Variants in SP140 observed in about 807,000 individuals in gnomAD.
The protein encoded by SP140 is nuclear body protein SP140.
A neutral mutation model predicts 125.0 loss-of-function variants in SP140; 81 were observed. The observed-to-expected ratio is 0.65, with a 90% CI of 0.54 to 0.78. The LOEUF (loss-of-function observed/expected upper bound fraction) is 0.78. SP140 is among the 30% of genes least tolerant of loss of function. SP140 has a pLI of 0.00. For synonymous variants in SP140, 312 were observed against 354.0 expected (o/e 0.88, Z 1.33); for missense variants, 858 against 1,037.0 (o/e 0.83, Z 2.37).
chr2:230,283,617 G>C (rs948252021), intron 15 of SP140, among the ~76,000 whole-genome samples: 7 of 152,184 alleles, frequency 4.6e-5, no homozygotes, highest in African/African-American at 1.7e-4. Context: ...TCCCTTTCTG[G>C]AGATTGCTCC....
the SP140 span, among the ~76,000 whole-genome samples, chr2:230,195,503 C>T: frequency 0.77 from 116,671 of 151,984 alleles, 44,893 homozygotes; most frequent in Admixed American, 0.83. Context: ...CTAACTTTTG[C>T]ATTTTTAGTA....
chr2:230,203,417 C>G (rs929921918), intron 1 of SP140: 1 of 153,816 alleles, frequency 6.5e-6, no homozygotes, highest in Non-Finnish European at 1.4e-5. Flanking sequence ...AGTGTGCAGC[C>G]ATGCTTCCCG....
the SP140 span, among the ~76,000 whole-genome samples, chr2:230,196,983 A>C: frequency 1.3e-5 from 2 of 152,162 alleles, no homozygotes; most frequent in South Asian, 4.1e-4. Context: ...TGCTATTGTG[A>C]ATAGTGCCAC....
chr2:230,227,757 C>G (rs1450064629), intron 1 of SP140, among the ~76,000 whole-genome samples: 1 of 152,146 alleles, frequency 6.6e-6, no homozygotes, highest in Non-Finnish European at 1.5e-5. Flanking sequence ...CCATGGAATT[C>G]GTAGTGATGA....
intron 15 of SP140, among the ~76,000 whole-genome samples, chr2:230,280,234 T>A (rs2055342884): frequency 6.8e-6 from 1 of 147,822 alleles, no homozygotes; most frequent in African/African-American, 2.7e-5. Flanking sequence ...TTTTAATGGA[T>A]GTTTTTCTTT....
At chr2:230,268,449 C>T (rs2053453058) in intron 12 of SP140, among the ~76,000 whole-genome samples, 2 of 151,438 alleles carry the variant, frequency 1.3e-5, no homozygotes, top group African/African-American at 4.9e-5. Flanking sequence ...CTCTTGAACC[C>T]AGGAGGCGGA....
chr2:230,231,183 C>G lies in SP140; in HGVS notation c.59+5280C>G, dbSNP rs1001751478. On this transcript the variant is annotated intron_variant, in intron 1 of 26. Coordinates refer to ENST00000392045, the MANE Select transcript of SP140 (RefSeq NM_007237.5). ...TATTGTGTGCTTTTTTCTTTAGAGC[C>G]CTTAACATATTAACTAACCATAGTT... Among the ~76,000 whole-genome samples the G allele has an allele frequency of 6.6e-5, 10 of 152,242 alleles. No individual in the cohort carries two copies. The South Asian group carries it at 1.0e-3, about 16-fold the overall frequency.
At chr2:230,241,791 C>T (rs2048764152) in intron 4 of SP140, among the ~76,000 whole-genome samples, 1 of 152,164 alleles carries the variant, frequency 6.6e-6, no homozygotes, top group African/African-American at 2.4e-5. Context: ...TCTAAAGGAA[C>T]ATAAAAGTCC....
At chr2:230,245,635 G>C (rs1213037315) in intron 6 of SP140, among the ~76,000 whole-genome samples, 1 of 152,090 alleles carries the variant, frequency 6.6e-6, no homozygotes, top group Non-Finnish European at 1.5e-5. Context: ...TGCAGATGCA[G>C]CAATGTGTAA....
chr2:230,249,602 G>A (rs1324351948), intron 9 of SP140, among the ~76,000 whole-genome samples: 3 of 152,070 alleles, frequency 2.0e-5, no homozygotes, highest in African/African-American at 7.2e-5. Context: ...CACATAGAAA[G>A]GTGATAACCT....
chr2:230,233,781 A>G (rs1196016374), intron 1 of SP140, among the ~76,000 whole-genome samples: 1 of 152,266 alleles, frequency 6.6e-6, no homozygotes, highest in Non-Finnish European at 1.5e-5. Context: ...AAATATAAGT[A>G]GAAGGCAGCT....
chr2:230,241,916 G>A (rs2048781080), intron 4 of SP140, among the ~76,000 whole-genome samples: 1 of 152,166 alleles, frequency 6.6e-6, no homozygotes, highest in African/African-American at 2.4e-5. Context: ...ATTCCTTACG[G>A]AGATGACCAG....
At chr2:230,243,680 G>A (rs997083169) in intron 4 of SP140, 51 bp from the exon 5 acceptor site, 9 of 1,386,520 alleles carry the variant, frequency 6.5e-6, no homozygotes, top group African/African-American at 1.4e-5. Flanking sequence ...TGTTTTGATG[G>A]CTTTTTGACC....
chr2:230,249,206 C>T (rs779727196), intron 9 of SP140, among the ~76,000 whole-genome samples: 3 of 152,032 alleles, frequency 2.0e-5, no homozygotes, highest in South Asian at 2.1e-4. Flanking sequence ...GTAGGGAGAA[C>T]GAATATACCA....
chr2:230,289,751 A>G (rs1251269327), intron 18 of SP140, among the ~76,000 whole-genome samples: 2 of 152,180 alleles, frequency 1.3e-5, no homozygotes, highest in Admixed American at 1.3e-4. Context: ...CTGAGATTAC[A>G]GGTGTGAGCC....
intron 12 of SP140, 44 bp downstream of exon 12, chr2:230,255,576 T>A (rs773861002): frequency 1.3e-6 from 2 of 1,579,678 alleles, no homozygotes; most frequent in South Asian, 2.2e-5. Flanking sequence ...CTGCAGAGTG[T>A]CAGGAGGTTG....
chr2:230,270,736 T>C lies in SP140; in HGVS notation c.1498+97T>C. ...TCATTGTTACTATTTCTGTTATTAT[T>C]TGTAATACTGTGGTAGACAGAAGGA... On this transcript the variant is annotated intron_variant, in intron 15 of 26. Coordinates refer to ENST00000392045, the MANE Select transcript of SP140 (RefSeq NM_007237.5). The C allele has an allele frequency of 3.4e-6, 4 of 1,180,554 alleles. No individual in the cohort carries two copies. The East Asian group carries it at 7.5e-5, about 22-fold the overall frequency. The allele number at this position is 1,180,554 out of a possible 1,614,324, so 73.1% of individuals were successfully genotyped here. A position where few individuals can be genotyped will look rare whatever the true frequency, so the allele number is the denominator to read the frequency against.
intron 22 of SP140, among the ~76,000 whole-genome samples, chr2:230,298,362 C>T (rs1010761495): frequency 1.1e-4 from 16 of 152,182 alleles, no homozygotes; most frequent in African/African-American, 3.6e-4. Context: ...TGATACTTAA[C>T]AGAGGAGGGA....
intron 22 of SP140, among the ~76,000 whole-genome samples, chr2:230,302,119 A>G (rs560199285): frequency 1.3e-5 from 2 of 152,136 alleles, no homozygotes; most frequent in Non-Finnish European, 2.9e-5. Flanking sequence ...GGAGTTCCCA[A>G]ATTTACAAAA....
Sources: gnomAD v4.1 joint callset for allele counts (sites outside exome capture counted in the v4.1 genomes callset) on GRCh38, gnomAD v4.1.1 for gene constraint, MANE v1.5 for transcripts, NCBI Gene and HGNC (gene_info 2026-07-23, HGNC 2026-07-21) for gene names.